TTN: variants seen among roughly 807,000 people sequenced by gnomAD.
TTN encodes titin, also known as connectin.
In TTN, 1,525 loss-of-function variants were observed where a neutral mutation model predicts 3,223.0. The observed-to-expected ratio is 0.47, with a 90% CI of 0.45 to 0.49. TTN has a LOEUF of 0.49. Among genes scored for constraint, TTN ranks in the 20% least tolerant of loss-of-function variants. TTN has a pLI of 0.00. For synonymous variants in TTN, 14,094 were observed against 15,161.0 expected, an observed-to-expected ratio of 0.93 and a Z score of 5.17; for missense variants, 40,786 against 43,424.0, an observed-to-expected ratio of 0.94 and a Z score of 5.40.
chr2:178,773,639 C>T lies in TTN; in HGVS notation c.7417G>A (p.Val2473Met), dbSNP rs1204779013. The T allele has an allele frequency of 1.9e-6, 3 of 1,614,022 alleles. No individual in the cohort carries two copies. Among genetic ancestry groups the T allele is most frequent in the Non-Finnish European group, 2.5e-6 (3 of 1,179,968 alleles). Residue 2473 changes from valine (V) to methionine (M), a missense_variant, in exon 32 of 363, where the codon GTG becomes ATG. Val to Met is a conservative substitution (Grantham distance 21). Transcript: ENST00000589042. ...TTTAAGTACCACTTAACAGAAGTCA[C>T]ATCAGGGACTGACACCTTACATTCA... ...VLECKVSVPD[V>M]TSVKWYLNDE... is the part of the protein sequence containing the mutation.
In TTN at chr2:178,539,742, G is replaced by A; in HGVS notation, c.98323C>T (p.Leu32775=). 2 of 1,613,742 alleles carry A rather than the reference G, an allele frequency of 1.2e-6. No individual in the cohort carries two copies. The highest frequency in any genetic ancestry group is 1.1e-5 in the South Asian group (1 of 91,076). The part of the protein sequence containing the change: ...ADRGDSGTYD[L]VLENKCGKKA... ...TTGCCACATTTATTTTCCAGAACCA[G>A]GTCATAAGTGCCAGAATCACCCCTG... The change falls in exon 352 of 363, where the codon CTG becomes TTG. Residue 32775 remains leucine (L), a synonymous_variant. Transcript: ENST00000589042.
chr2:178,738,086 CA>C lies in TTN; in HGVS notation c.14366del (p.Val4789GlyfsTer30). ...GSVSCTATLT[V>X]TEAYPPTFLS... ...GTGCCAATGTATGGCATTTACCTGT[CA>C]CAGTTAGTGTGGCTGTACAGCTGAC... On this transcript the variant is annotated frameshift_variant, in exon 49 of 363. Transcript: ENST00000589042. LOFTEE classifies it high-confidence loss of function. The C allele has an allele frequency of 6.2e-7, 1 of 1,611,690 alleles. No homozygotes were observed. The highest frequency in any genetic ancestry group is 1.1e-5 in the South Asian group (1 of 90,928).
Position 178,570,215 on chromosome 2 carries a change from T to C in TTN, c.75917A>G (p.Asp25306Gly). ...VVAKNPFVVP[D>G]APKAPEVTTV... is the part of the protein sequence containing the mutation. ...TGTGACTTCTGGAGCTTTTGGTGCATCTGGTACTACAAATGGATTCTTGGC... is the reference window on the plus strand; with the variant it reads ...TGTGACTTCTGGAGCTTTTGGTGCACCTGGTACTACAAATGGATTCTTGGC... The change falls in exon 326 of 363, where the codon GAT (aspartate) becomes GGT (glycine). Residue 25306 changes from aspartate (D) to glycine (G), a missense_variant. Physicochemically the swap from Asp to Gly is moderately conservative, Grantham distance 94. Coordinates refer to ENST00000589042, the MANE Select transcript of TTN (RefSeq NM_001267550.2). 6.2e-7 allele frequency: 1 copy of C among 1,613,464 alleles called. No homozygotes were observed. Among genetic ancestry groups the C allele is most frequent in the Non-Finnish European group, 8.5e-7 (1 of 1,179,616 alleles).
intron 106 of TTN, among the ~76,000 whole-genome samples, chr2:178,702,892 G>T (rs2075249964): frequency 6.6e-6 from 1 of 152,142 alleles, no homozygotes; most frequent in Non-Finnish European, 1.5e-5. Flanking sequence ...AAAGTGTAAA[G>T]AAATTATTGT....
rs748343761 is a variant in TTN, at chr2:178,733,702, A to G, written c.15687T>C (p.Asp5229=). The part of the protein sequence containing the change: ...SNGVAVLIIP[D]VQISFGGKYT... The stretch of plus-strand genomic sequence containing the variant: ...ATTTGCCTCCAAAACTAATCTGAAC[A>G]TCAGGGATTATCAAGACTGCAACAC... Residue 5229 remains aspartate, a synonymous_variant, in exon 53 of 363, where the codon GAT becomes GAC. Transcript: ENST00000589042. The G allele has an allele frequency of 3.7e-6, 6 of 1,613,894 alleles. No individual in the cohort carries two copies. In the Admixed American group the frequency reaches 8.3e-5, roughly 22 times the overall value.
At position 178,547,236 on chromosome 2, in the gene TTN, T is replaced by C. The variant is rs1697596654; in HGVS notation, c.94289A>G (p.Glu31430Gly). The change falls in exon 340 of 363, where the codon GAA becomes GGA. Residue 31430 changes from glutamate to glycine, a missense_variant. Glu to Gly is a moderately conservative substitution (Grantham distance 98). Transcript: ENST00000589042. The stretch of plus-strand genomic sequence containing the variant: ...ACTGCCACCATCGTGGTAGGGTTCT[T>C]CCCAACGAATAGACATGGCATTGGC... ...VSANAMSIRW[E>G]EPYHDGGSKI... 6.2e-7 allele frequency: 1 copy of C among 1,613,828 alleles called. No individual in the cohort carries two copies. Among genetic ancestry groups the C allele is most frequent in the Non-Finnish European group, 8.5e-7 (1 of 1,179,760 alleles).
At position 178,593,011 on chromosome 2, in the gene TTN, G is replaced by A; in HGVS notation, c.59108C>T (p.Pro19703Leu). The stretch of plus-strand genomic sequence containing the variant: ...CTTGCTCCCACCATCATGACGTGGT[G>A]GCTGCCAAGTTAGATCGACTGAATT... ...TCNSVDLTWQ[P>L]PRHDGGSKIL... The change falls in exon 300 of 363, where the codon CCA becomes CTA. Residue 19703 changes from proline (P) to leucine (L), a missense_variant. Coordinates refer to ENST00000589042, the MANE Select transcript of TTN (RefSeq NM_001267550.2). 6.2e-7 allele frequency: 1 copy of A among 1,613,430 alleles called. No homozygotes were observed. Among genetic ancestry groups the A allele is most frequent in the Non-Finnish European group, 8.5e-7 (1 of 1,179,618 alleles).
rs369019034 is a variant in TTN at position 178,630,684 on chromosome 2, G to A, written c.44154+120C>T. On this transcript the variant is annotated intron_variant, in intron 238 of 362. Transcript: ENST00000589042. Reference sequence around the variant, plus strand: ...GACCCTGACATCTCTCTTTGGCTTAGGGTCTGATAGAGAAACTGCTATCAT... The same window carrying A: ...GACCCTGACATCTCTCTTTGGCTTAAGGTCTGATAGAGAAACTGCTATCAT... 9.8e-6 allele frequency: 14 copies of A among 1,421,958 alleles called. No homozygotes were observed. The African/African-American group carries it at 2.0e-4, about 20-fold the overall frequency. 88.1% of individuals were successfully genotyped at this position (1,421,958 alleles called of 1,614,324 possible). A position where few individuals can be genotyped will look rare whatever the true frequency, so the allele number is the denominator to read the frequency against.
At chr2:178,770,341 A>C in intron 35 of TTN, 21 bp from the exon 36 acceptor site, 3 of 1,614,188 alleles carry the variant, frequency 1.9e-6, no homozygotes, top group Non-Finnish European at 2.5e-6. Flanking sequence ...AATTGGAGCA[A>C]TTCAGTGATA....
chr2:178,563,939 C>G lies in TTN; in HGVS notation c.82193G>C (p.Gly27398Ala). The G allele has an allele frequency of 6.2e-7, 1 of 1,613,712 alleles. No homozygotes were observed. ...YLAWNPPLQD[G>A]GANISHYIIE... The stretch of plus-strand genomic sequence containing the variant: ...GATGTAATGTGAAATATTAGCACCA[C>G]CATCTTGCAAAGGTGGGTTCCATGC... Residue 27398 changes from glycine to alanine, a missense_variant, in exon 326 of 363, where the codon GGT becomes GCT. Coordinates refer to ENST00000589042, the MANE Select transcript of TTN (RefSeq NM_001267550.2). The surrounding 1 kb of genome is among the most constrained non-coding windows in gnomAD (Gnocchi z 4.5).
At position 178,730,364 on chromosome 2, in the gene TTN, A is replaced by C; in HGVS notation, c.18036T>G (p.Pro6012=). Residue 6012 remains proline (P), a synonymous_variant, in exon 62 of 363, where the codon CCT becomes CCG. Coordinates refer to ENST00000589042, the MANE Select transcript of TTN (RefSeq NM_001267550.2). The part of the protein sequence containing the change: ...CSGHLTVKEP[P]YFVEKPQSQD... ...GTGACTGTGGCTTTTCCACAAAGTA[A>C]GGGGGTTCTGAGGTGAAAGAAAAAA... The C allele has an allele frequency of 6.3e-7, 1 of 1,595,718 alleles. No homozygotes were observed. Among genetic ancestry groups the C allele is most frequent in the Non-Finnish European group, 8.5e-7 (1 of 1,170,714 alleles).
chr2:178,702,279 G>A lies in TTN; in HGVS notation c.30434-34C>T, dbSNP rs2075145052. On this transcript the variant is annotated intron_variant, in intron 107 of 362. Transcript: ENST00000589042. The stretch of plus-strand genomic sequence containing the variant: ...AAAAATCATCCAACTTTTGTTTTCT[G>A]ATATGTTGCAAATAACACTTCTTTA... 2.5e-6 allele frequency: 4 copies of A among 1,613,204 alleles called. No individual in the cohort carries two copies. In the African/African-American group the frequency reaches 4.0e-5, roughly 16 times the overall value.
Position 178,532,709 on chromosome 2 carries a change from G to A in TTN, c.103906C>T (p.Arg34636Cys), listed in dbSNP as rs768575577. 21 of 1,613,796 alleles carry A rather than the reference G, an allele frequency of 1.3e-5. No individual in the cohort carries two copies. Among genetic ancestry groups the A allele is most frequent in the East Asian group, 1.1e-4 (5 of 44,896 alleles). ...TAATCAGGAGAAGGTGTACGCCGGCGGGCTGGTCTCACTATCTCAAGATCA... is the reference window on the plus strand; with the variant it reads ...TAATCAGGAGAAGGTGTACGCCGGCAGGCTGGTCTCACTATCTCAAGATCA... ...QDDLEIVRPA[R>C]RRTPSPDYDF... Residue 34636 changes from arginine to cysteine, a missense_variant, in exon 358 of 363, where the codon CGC becomes TGC. Arg to Cys is a radical substitution (Grantham distance 180). Coordinates refer to ENST00000589042, the MANE Select transcript of TTN (RefSeq NM_001267550.2).
At position 178,723,410 on chromosome 2, in the gene TTN, G is replaced by C. The variant is rs1244405829; in HGVS notation, c.21682+8C>G. On this transcript the variant is annotated splice_region_variant and intron_variant, in intron 74 of 362. Transcript: ENST00000589042. ...GAAAACAGAAAAAGTGAATCCACTTGAGCAAACCTTTCACAAAGAGACGGG... is the reference window on the plus strand; with the variant it reads ...GAAAACAGAAAAAGTGAATCCACTTCAGCAAACCTTTCACAAAGAGACGGG... The C allele has an allele frequency of 6.2e-7, 1 of 1,609,006 alleles. No homozygotes were observed.
chr2:178,527,745 A>G lies in TTN; in HGVS notation c.107381T>C (p.Leu35794Pro). ...TACCTCTCTGGAAGGTTCTTCAACT[A>G]GAGCTGTGGAGCATAGCAGATACAC... The part of the protein sequence containing the change: ...SATASLMVLP[L>P]VEEPSREVVL... Residue 35794 changes from leucine to proline, a missense_variant, in exon 362 of 363, where the codon CTA becomes CCA. Leu to Pro is a moderately conservative substitution (Grantham distance 98, BLOSUM62 -3). Coordinates refer to ENST00000589042, the MANE Select transcript of TTN (RefSeq NM_001267550.2). 1 of 1,588,440 alleles carries G rather than the reference A, an allele frequency of 6.3e-7. No homozygotes were observed. The highest frequency in any genetic ancestry group is 8.6e-7 in the Non-Finnish European group (1 of 1,165,160).
rs2055193492 is a variant in TTN, at chr2:178,607,543, T to A, written c.53145A>T (p.Lys17715Asn). Residue 17715 changes from lysine to asparagine, a missense_variant, in exon 277 of 363, where the codon AAA (lysine) becomes AAT (asparagine). Physicochemically the swap from Lys to Asn is moderately conservative, Grantham distance 94. Coordinates refer to ENST00000589042, the MANE Select transcript of TTN (RefSeq NM_001267550.2). ...VWTKEEGELD[K>N]DRVVIDNVGT... ...CAACGTTGTCTATTACAACACGGTC[T>A]TTATCCAGCTCCCCTTCTTCTTTGG... is the stretch of plus-strand genomic sequence containing the variant. 6.2e-7 allele frequency: 1 copy of A among 1,613,148 alleles called. No homozygotes were observed. The highest frequency in any genetic ancestry group is 8.5e-7 in the Non-Finnish European group (1 of 1,179,400).
Position 178,608,356 on chromosome 2 carries a change from A to C in TTN, c.52527T>G (p.Arg17509=), listed in dbSNP as rs780823437. The change falls in exon 275 of 363, where the codon CGT becomes CGG. Residue 17509 remains arginine, a synonymous_variant. Transcript: ENST00000589042. The part of the protein sequence containing the change: ...SPILGYWLEK[R]EVNSTHWSRV... ...GAGACCAATGTGTACTGTTAACTTCACGTTTTTCAAGCCAGTAACCCAAAA... is the reference window on the plus strand; with the variant it reads ...GAGACCAATGTGTACTGTTAACTTCCCGTTTTTCAAGCCAGTAACCCAAAA... 1 of 1,612,052 alleles carries C rather than the reference A, an allele frequency of 6.2e-7. No individual in the cohort carries two copies. Among genetic ancestry groups the C allele is most frequent in the Non-Finnish European group, 8.5e-7 (1 of 1,179,064 alleles).
At position 178,548,755 on chromosome 2, in the gene TTN, A is replaced by C. The variant is rs748822553; in HGVS notation, c.92871T>G (p.Ala30957=). ...GGTTAGAGTCTGGTTTGCTCCACACAGCTGTAGGAGTAGGTCTACCTTGGT... is the reference window on the plus strand; with the variant it reads ...GGTTAGAGTCTGGTTTGCTCCACACCGCTGTAGGAGTAGGTCTACCTTGGT... The part of the protein sequence containing the change: ...IAYQGRPTPT[A]VWSKPDSNLS... Residue 30957 remains alanine, a synonymous_variant, in exon 339 of 363, where the codon GCT becomes GCG. Transcript: ENST00000589042. This position sits in a 1 kb window ranked among gnomAD's most constrained non-coding sequence, Gnocchi z 4.3. 23 of 1,613,528 alleles carry C rather than the reference A, an allele frequency of 1.4e-5. No individual in the cohort carries two copies. The highest frequency in any genetic ancestry group is 1.9e-5 in the Non-Finnish European group (23 of 1,179,814).
chr2:178,753,324 C>T (rs2086091480), intron 46 of TTN, 144 bp from the exon 47 acceptor site: 4 of 618,950 alleles, frequency 6.5e-6, no homozygotes, highest in Admixed American at 5.8e-5. Context: ...AAGTCCATGC[C>T]AAACAAACTA....
Sources: allele counts gnomAD v4.1 joint callset (sites outside exome capture counted in the v4.1 genomes callset), GRCh38; gene constraint gnomAD v4.1.1; non-coding constraint Gnocchi (gnomAD v3.1); transcripts MANE v1.5; gene names NCBI Gene and HGNC (gene_info 2026-07-23, HGNC 2026-07-21).